The following SMAD7 variants were observed in gnomAD, a reference collection of about 807,000 sequenced individuals.
SMAD7 encodes the protein MAD (mothers against decapentaplegic, Drosophila) homolog 7.
In SMAD7, 8 loss-of-function variants were observed where a neutral mutation model predicts 38.7. The ratio of observed to expected loss-of-function variants is 0.21; its 90% confidence interval spans 0.12 to 0.37. The LOEUF (loss-of-function observed/expected upper bound fraction) is 0.37. Ranked by LOEUF, SMAD7 falls within the 10% of genes least tolerant of loss-of-function variation. The probability of loss-of-function intolerance (pLI) is 1.00; values close to 1 mark genes in which losing one functional copy is unlikely to be tolerated. For missense variants in SMAD7, 477 were observed against 577.9 expected (o/e 0.83, Z 1.79); for synonymous variants, 327 against 265.1 (o/e 1.23, Z -2.27).
intron 3 of SMAD7, among the ~76,000 whole-genome samples, chr18:48,941,736 T>C (rs1202176463): frequency 1.3e-5 from 2 of 152,222 alleles, no homozygotes; most frequent in Non-Finnish European, 2.9e-5. Flanking sequence ...ATGCGTCCCA[T>C]GTACATAACC....
chr18:48,926,525 T>A (rs571914446), intron 3 of SMAD7, among the ~76,000 whole-genome samples: 1 of 152,302 alleles, frequency 6.6e-6, no homozygotes, highest in South Asian at 2.1e-4. Context: ...ATCAGCCCCC[T>A]CCTCCATGGT....
chr18:48,942,687 C>T, intron 2 of SMAD7, 132 bp from the exon 3 acceptor site: 3 of 1,552,824 alleles, frequency 1.9e-6, no homozygotes, highest in Non-Finnish European at 2.6e-6. Context: ...GGCCTTGATG[C>T]TGATTATTAA....
At chr18:48,947,602 T>C (rs1214708783) in intron 2 of SMAD7, among the ~76,000 whole-genome samples, 1 of 152,216 alleles carries the variant, frequency 6.6e-6, no homozygotes, top group Non-Finnish European at 1.5e-5. Context: ...CTCCAGGAAT[T>C]TGGGTTTGTC....
At position 48,950,380 on chromosome 18, in the gene SMAD7, C is replaced by T. The variant is rs948510546; in HGVS notation, c.45G>A (p.Arg15=). 6 of 1,544,894 alleles carry T rather than the reference C, an allele frequency of 3.9e-6. No individual in the cohort carries two copies. The highest frequency in any genetic ancestry group is 1.7e-4 in the Middle Eastern group (1 of 5,960). Residue 15 remains arginine, a synonymous_variant, in exon 1 of 4, where the codon AGG becomes AGA. Coordinates refer to ENST00000262158, the MANE Select transcript of SMAD7 (RefSeq NM_005904.4). ...KRSALVRRLW[R]SRAPGGEDEE... is the part of the protein sequence containing the mutation. Reference sequence around the variant, plus strand: ...CGTCCTCGCCGCCGGGCGCACGGCTCCTCCAGAGACGCCGGACGAGCGCAG... The same window carrying T: ...CGTCCTCGCCGCCGGGCGCACGGCTTCTCCAGAGACGCCGGACGAGCGCAG...
chr18:48,950,339 C>G lies in SMAD7; in HGVS notation c.86G>C (p.Gly29Ala), dbSNP rs765754990. Residue 29 changes from glycine to alanine, a missense_variant, in exon 1 of 4, where the codon GGG becomes GCG. By Grantham distance (60) the Gly-to-Ala change is moderately conservative. Coordinates refer to ENST00000262158, the MANE Select transcript of SMAD7 (RefSeq NM_005904.4). ...CAGCTCGCCTCCTCCTCCACCTCCC[C>G]CTGCGCCCTCCTCCTCGTCCTCGCC... is the stretch of plus-strand genomic sequence containing the variant. ...PGGEDEEEGA[G>A]GGGGGGELRG... 12 of 1,541,964 alleles carry G rather than the reference C, an allele frequency of 7.8e-6. No individual in the cohort carries two copies. The South Asian group carries it at 9.6e-5, about 12-fold the overall frequency.
chr18:48,942,710 G>C, intron 2 of SMAD7, 155 bp from the exon 3 acceptor site: 3 of 1,519,280 alleles, frequency 2.0e-6, no homozygotes, highest in Non-Finnish European at 2.6e-6. Flanking sequence ...GTCTGCTCAG[G>C]CTTCACTGCC....
chr18:48,931,912 G>T (rs2070005913), intron 3 of SMAD7, among the ~76,000 whole-genome samples: 1 of 152,190 alleles, frequency 6.6e-6, no homozygotes, highest in Admixed American at 6.5e-5. Context: ...GGACACCCTG[G>T]GGGGAAGGTG....
chr18:48,933,610 T>G (rs2070028676), intron 3 of SMAD7: 2 of 152,586 alleles, frequency 1.3e-5, no homozygotes, highest in South Asian at 4.1e-4. Context: ...GGAGCACACC[T>G]TCCAAGCACG....
intron 3 of SMAD7, among the ~76,000 whole-genome samples, chr18:48,927,893 A>G (rs1599222529): frequency 6.6e-6 from 1 of 152,354 alleles, no homozygotes; most frequent in East Asian, 1.9e-4. Flanking sequence ...ATCTTAAAAA[A>G]AGGGAGTAGT....
intron 1 of SMAD7, chr18:48,949,226 T>C (rs1192437424): frequency 1.0e-6 from 1 of 954,634 alleles, no homozygotes; most frequent in Non-Finnish European, 1.2e-6. Flanking sequence ...AGGAGACAGA[T>C]ACCCAGTTCG....
At chr18:48,938,357 C>CG (rs1262456106) in intron 3 of SMAD7, among the ~76,000 whole-genome samples, 1 of 152,170 alleles carries the variant, frequency 6.6e-6, no homozygotes, top group Non-Finnish European at 1.5e-5. Context: ...GGCATGGTGC[C>CG]GGGTCTCTCC....
intron 3 of SMAD7, among the ~76,000 whole-genome samples, chr18:48,922,481 C>A (rs945679302): frequency 1.1e-4 from 17 of 149,232 alleles, no homozygotes; most frequent in Admixed American, 2.0e-4. Context: ...ACCCAGCTCT[C>A]AAATCAGTGC....
At position 48,950,196 on chromosome 18, in the gene SMAD7, G is replaced by T. The variant is rs950629569; in HGVS notation, c.229C>A (p.Pro77Thr). The stretch of plus-strand genomic sequence containing the variant: ...GCCGCGCCGGCGCCCGCGGCTGGCG[G>T]GTGGGGATGGTGGTGACCTTTGGCA... ...RGAKGHHHPH[P>T]PAAGAGAAGG... The change falls in exon 1 of 4, where the codon CCG becomes ACG. Residue 77 changes from proline to threonine, a missense_variant. Transcript: ENST00000262158. 1.3e-6 allele frequency: 2 copies of T among 1,487,148 alleles called. No homozygotes were observed. Among genetic ancestry groups the T allele is most frequent in the Non-Finnish European group, 1.8e-6 (2 of 1,124,672 alleles). 92.1% of individuals were successfully genotyped at this position (1,487,148 alleles called of 1,614,324 possible). A position where few individuals can be genotyped will look rare whatever the true frequency, so the allele number is the denominator to read the frequency against.
intron 2 of SMAD7, among the ~76,000 whole-genome samples, chr18:48,945,752 C>T (rs1259499998): frequency 6.6e-6 from 1 of 152,104 alleles, no homozygotes; most frequent in Non-Finnish European, 1.5e-5. Flanking sequence ...CACCCAGCAA[C>T]CCCCCAAGGC....
intron 3 of SMAD7, among the ~76,000 whole-genome samples, chr18:48,940,036 G>A (rs895895327): frequency 3.9e-5 from 6 of 152,058 alleles, no homozygotes; most frequent in Admixed American, 6.5e-5. Context: ...TTCCCTTTTG[G>A]AAGGCATTCT....
intron 3 of SMAD7, among the ~76,000 whole-genome samples, chr18:48,940,996 TC>T (rs2070132988): frequency 6.6e-6 from 1 of 152,020 alleles, no homozygotes; most frequent in South Asian, 2.1e-4. Context: ...AGCTGCCACT[TC>T]CCTTGCTTAT....
intron 3 of SMAD7, among the ~76,000 whole-genome samples, chr18:48,926,432 G>T (rs1254234804): frequency 6.6e-6 from 1 of 152,216 alleles, no homozygotes; most frequent in African/African-American, 2.4e-5. Context: ...GTGAGGACGG[G>T]TCTCCACCGG....
intron 3 of SMAD7, among the ~76,000 whole-genome samples, chr18:48,934,360 C>T (rs1039866198): frequency 6.6e-6 from 1 of 151,878 alleles, no homozygotes; most frequent in African/African-American, 2.4e-5. Flanking sequence ...GAGTTCCCGG[C>T]GGCTAAGTGC....
intron 3 of SMAD7, among the ~76,000 whole-genome samples, chr18:48,937,100 A>G (rs932432392): frequency 1.3e-5 from 2 of 152,082 alleles, no homozygotes; most frequent in African/African-American, 2.4e-5. Flanking sequence ...AAAAAAAATT[A>G]AAACATTAAA....
Sources: gnomAD v4.1 joint callset for allele counts (sites outside exome capture counted in the v4.1 genomes callset) on GRCh38, gnomAD v4.1.1 for gene constraint, MANE v1.5 for transcripts, NCBI Gene and HGNC (gene_info 2026-07-23, HGNC 2026-07-21) for gene names.